HTR1F: variants seen among roughly 807,000 people sequenced by gnomAD.
The protein encoded by HTR1F is 5-hydroxytryptamine receptor 1F.
Under a neutral mutation model 24.0 loss-of-function variants are expected in HTR1F, and 17 were observed. The observed-to-expected ratio is 0.71, with a 90% CI of 0.48 to 1.06. The LOEUF is 1.06. HTR1F is among the 50% of genes least tolerant of loss of function. The pLI is 0.00. For synonymous variants in HTR1F, 186 were observed against 156.8 expected, an observed-to-expected ratio of 1.19 and a Z score of -1.39; for missense variants, 391 against 427.8, an observed-to-expected ratio of 0.91 and a Z score of 0.76.
chr3:87,812,297 C>A (rs1704174209), intron 1 of HTR1F, among the ~76,000 whole-genome samples: 1 of 152,082 alleles, frequency 6.6e-6, no homozygotes, highest in Admixed American at 6.6e-5. Flanking sequence ...TGGTTTTGAC[C>A]AACATGCTGA....
At chr3:87,952,789 A>G (rs1249018566) in intron 2 of HTR1F, among the ~76,000 whole-genome samples, 1 of 151,852 alleles carries the variant, frequency 6.6e-6, no homozygotes, top group Non-Finnish European at 1.5e-5. Flanking sequence ...CACCCACCAC[A>G]TCCCTTCTAA....
At chr3:87,798,004 T>A (rs1703933199) in intron 1 of HTR1F, among the ~76,000 whole-genome samples, 1 of 152,182 alleles carries the variant, frequency 6.6e-6, no homozygotes, top group African/African-American at 2.4e-5. Flanking sequence ...CAGATTTGGA[T>A]CTGTCCTTTG....
chr3:87,858,361 G>T (rs958246856), intron 2 of HTR1F, among the ~76,000 whole-genome samples: 4 of 152,288 alleles, frequency 2.6e-5, no homozygotes, highest in African/African-American at 9.6e-5. Context: ...ACTGGGTCAA[G>T]AAAAACTTCA....
At chr3:87,941,370 G>T (rs1304644371) in intron 2 of HTR1F, among the ~76,000 whole-genome samples, 2 of 152,186 alleles carry the variant, frequency 1.3e-5, no homozygotes, top group African/African-American at 4.8e-5. Flanking sequence ...CTCACGGAGG[G>T]CCCTGGTGCC....
chr3:87,919,918 T>G (rs1213646430), intron 2 of HTR1F, among the ~76,000 whole-genome samples: 1 of 151,830 alleles, frequency 6.6e-6, no homozygotes, highest in Admixed American at 6.6e-5. Context: ...TACTCATACA[T>G]GCATGTTTAT....
chr3:87,922,718 G>A (rs1252947869), intron 2 of HTR1F, among the ~76,000 whole-genome samples: 1 of 150,162 alleles, frequency 6.7e-6, no homozygotes, highest in Non-Finnish European at 1.5e-5. Flanking sequence ...GAGATGGGGT[G>A]TAGTTTCATT....
chr3:87,827,790 C>T (rs1164782986), intron 2 of HTR1F, among the ~76,000 whole-genome samples: 1 of 152,136 alleles, frequency 6.6e-6, no homozygotes, highest in East Asian at 1.9e-4. Flanking sequence ...GAGAAAACCT[C>T]GTTGATTGGA....
intron 2 of HTR1F, among the ~76,000 whole-genome samples, chr3:87,835,941 G>A (rs1336794650): frequency 6.6e-6 from 1 of 152,132 alleles, no homozygotes; most frequent in Non-Finnish European, 1.5e-5. Flanking sequence ...GTGTGCCAGT[G>A]CAAAGGACCC....
At chr3:87,879,655 G>A (rs1345747535) in intron 2 of HTR1F, among the ~76,000 whole-genome samples, 1 of 152,060 alleles carries the variant, frequency 6.6e-6, no homozygotes, top group Non-Finnish European at 1.5e-5. Context: ...TAAATTTTTA[G>A]TTCAAGAAGC....
intron 2 of HTR1F, among the ~76,000 whole-genome samples, chr3:87,868,321 T>A (rs904276305): frequency 5.9e-5 from 9 of 151,998 alleles, no homozygotes; most frequent in Non-Finnish European, 1.2e-4. Context: ...CTAATCAGAT[T>A]ATGTGATTTT....
chr3:87,893,313 G>A (rs1297089185), intron 2 of HTR1F, among the ~76,000 whole-genome samples: 1 of 152,166 alleles, frequency 6.6e-6, no homozygotes, highest in Non-Finnish European at 1.5e-5. Context: ...TCTAGTACAT[G>A]TATGAGTCTG....
intron 2 of HTR1F, among the ~76,000 whole-genome samples, chr3:87,878,023 G>C (rs1247433842): frequency 1.3e-5 from 2 of 152,130 alleles, no homozygotes; most frequent in African/African-American, 4.8e-5. Flanking sequence ...GTGCAGACTT[G>C]AACGATTGAT....
At chr3:87,965,672 G>A (rs1307777488) in intron 2 of HTR1F, among the ~76,000 whole-genome samples, 1 of 152,070 alleles carries the variant, frequency 6.6e-6, no homozygotes, top group East Asian at 1.9e-4. Context: ...AACAACTTTT[G>A]CAAGGAGATA....
intron 2 of HTR1F, among the ~76,000 whole-genome samples, chr3:87,898,898 A>G (rs1452479357): frequency 6.6e-6 from 1 of 152,150 alleles, no homozygotes; most frequent in Non-Finnish European, 1.5e-5. Context: ...TTCTGAGGCA[A>G]AACATTTACT....
At chr3:87,839,626 CTT>C in intron 2 of HTR1F, among the ~76,000 whole-genome samples, 1 of 151,670 alleles carries the variant, frequency 6.6e-6, no homozygotes, top group South Asian at 2.1e-4. Context: ...TCACTTTTAA[CTT>C]TTATTTTAGA....
chr3:87,929,925 C>T (rs562474810), intron 2 of HTR1F, among the ~76,000 whole-genome samples: 3 of 152,142 alleles, frequency 2.0e-5, no homozygotes, highest in African/African-American at 7.2e-5. Context: ...ATTCTTTCTA[C>T]CCATGAGCAT....
chr3:87,917,089 TTAAA>T, intron 2 of HTR1F, among the ~76,000 whole-genome samples: 1 of 152,028 alleles, frequency 6.6e-6, no homozygotes, highest in East Asian at 1.9e-4. Context: ...TACATGGAAA[TTAAA>T]TAACCTACTC....
At chr3:87,976,610 C>A (rs1475884397) in intron 2 of HTR1F, among the ~76,000 whole-genome samples, 1 of 152,104 alleles carries the variant, frequency 6.6e-6, no homozygotes, top group African/African-American at 2.4e-5. Context: ...TTATATTTTT[C>A]TAAATAATTT....
intron 2 of HTR1F, among the ~76,000 whole-genome samples, chr3:87,941,523 A>G (rs921655366): frequency 4.6e-5 from 7 of 152,156 alleles, no homozygotes; most frequent in African/African-American, 1.7e-4. Flanking sequence ...ACAGGCGGCT[A>G]AAAGTAACTT....
Sources: gnomAD v4.1 joint callset for allele counts (sites outside exome capture counted in the v4.1 genomes callset) on GRCh38, gnomAD v4.1.1 for gene constraint, MANE v1.5 for transcripts, NCBI Gene and HGNC (gene_info 2026-07-23, HGNC 2026-07-21) for gene names.